The following ATP8B1 variants were observed in gnomAD, a reference collection of about 807,000 sequenced individuals.
ATP8B1 encodes the protein ATPase phospholipid transporting 8B1, also known as phospholipid-transporting ATPase IC.
A neutral mutation model predicts 149.9 loss-of-function variants in ATP8B1; 80 were observed. The observed-to-expected ratio is 0.53, with a 90% CI of 0.45 to 0.64. ATP8B1 has a LOEUF of 0.64. Among genes scored for constraint, ATP8B1 ranks in the 30% least tolerant of loss-of-function variants. The probability of loss-of-function intolerance (pLI) is 0.00; values close to 1 mark genes in which losing one functional copy is unlikely to be tolerated. For missense variants in ATP8B1, 1,247 were observed against 1,552.6 expected, an observed-to-expected ratio of 0.80 and a Z score of 3.31; for synonymous variants, 536 against 562.8, an observed-to-expected ratio of 0.95 and a Z score of 0.67.
intron 22 of ATP8B1, among the ~76,000 whole-genome samples, chr18:57,660,951 T>C (rs1910352140): frequency 6.6e-6 from 1 of 152,182 alleles, no homozygotes; most frequent in Non-Finnish European, 1.5e-5. Flanking sequence ...CCTCTTCGCA[T>C]CCTTCAGAAG....
At chr18:57,685,823 C>T (rs760119077) in intron 13 of ATP8B1, among the ~76,000 whole-genome samples, 12 of 151,970 alleles carry the variant, frequency 7.9e-5, no homozygotes, top group African/African-American at 1.5e-4. Context: ...CCCAGCTACT[C>T]GGGAGGCTGA....
chr18:57,685,110 G>A lies in ATP8B1; in HGVS notation c.1435C>T (p.His479Tyr), dbSNP rs75460259. The change falls in exon 14 of 28, where the codon CAT becomes TAT. Residue 479 changes from histidine to tyrosine, a missense_variant. Around this residue, in one of 3 missense-constraint regions of ATP8B1, gnomAD observed 853 missense variants for 1,035.7 expected, o/e 0.82. Coordinates refer to ENST00000648908, the MANE Select transcript of ATP8B1 (RefSeq NM_001374385.1). ...TGGTTGTGTTGAGAGGCATCCCGAT[G>A]GTCCCCTGAGAAACAAACAGGACAA... Reference protein sequence around the residue: ...CCINGQIYGDHRDASQHNHNK... With the variant: ...CCINGQIYGDYRDASQHNHNK... 31 of 1,614,150 alleles carry A rather than the reference G, an allele frequency of 1.9e-5. No homozygotes were observed. Among genetic ancestry groups the A allele is most frequent in the Non-Finnish European group, 2.6e-5 (31 of 1,180,002 alleles).
chr18:57,649,272 A>G, intron 27 of ATP8B1, among the ~76,000 whole-genome samples: 1 of 151,740 alleles, frequency 6.6e-6, no homozygotes, highest in Non-Finnish European at 1.5e-5. Flanking sequence ...CTCTATATCT[A>G]TACATAGATT....
At chr18:57,690,395 G>C (rs1207398895) in intron 12 of ATP8B1, among the ~76,000 whole-genome samples, 2 of 152,240 alleles carry the variant, frequency 1.3e-5, no homozygotes, top group Non-Finnish European at 2.9e-5. Context: ...AGTCAAAGCA[G>C]AGATACTATC....
intron 20 of ATP8B1, among the ~76,000 whole-genome samples, chr18:57,663,761 A>ATTTTTTT: frequency 1.0e-5 from 1 of 97,462 alleles, no homozygotes; most frequent in Non-Finnish European, 1.9e-5. Context: ...TGCTTTGCCC[A>ATTTTTTT]TTTTTTTTTT....
chr18:57,717,403 G>A (rs1382403232), intron 2 of ATP8B1, among the ~76,000 whole-genome samples: 5 of 150,976 alleles, frequency 3.3e-5, no homozygotes, highest in African/African-American at 1.2e-4. Context: ...AAAAACTTAG[G>A]TGGGCACAGT....
intron 2 of ATP8B1, among the ~76,000 whole-genome samples, chr18:57,724,316 C>A (rs2079681905): frequency 6.9e-6 from 1 of 144,194 alleles, no homozygotes; most frequent in African/African-American, 2.6e-5. Context: ...AACAGGCAAC[C>A]TACAAAATGG....
chr18:57,691,048 A>C (rs1471954862), intron 12 of ATP8B1, among the ~76,000 whole-genome samples: 1 of 151,990 alleles, frequency 6.6e-6, no homozygotes, highest in Non-Finnish European at 1.5e-5. Flanking sequence ...GGTGATGGGC[A>C]CCCGTGATCC....
At chr18:57,676,893 T>C (rs1911632894) in intron 15 of ATP8B1, among the ~76,000 whole-genome samples, 1 of 152,082 alleles carries the variant, frequency 6.6e-6, no homozygotes, top group African/African-American at 2.4e-5. Context: ...GTGCCTATAA[T>C]TGCAACTATT....
intron 1 of ATP8B1, among the ~76,000 whole-genome samples, chr18:57,763,035 C>A (rs75148043): frequency 6.6e-6 from 1 of 152,168 alleles, no homozygotes; most frequent in Non-Finnish European, 1.5e-5. Context: ...CTTGAACACA[C>A]GTTTTTTGCA....
intron 13 of ATP8B1, among the ~76,000 whole-genome samples, chr18:57,686,392 G>A (rs747943265): frequency 6.6e-6 from 1 of 152,108 alleles, no homozygotes; most frequent in Non-Finnish European, 1.5e-5. Context: ...CTGGAGTGCA[G>A]TGGTGCAAAC....
In ATP8B1 at chr18:57,721,733, T is replaced by A. The variant is rs914214287; in HGVS notation, c.181+9894A>T. ...GATACCCAGGAATTGAACTCAGCTCTGCACCAAGCGGACCTAATAGACATC... is the reference window on the plus strand; with the variant it reads ...GATACCCAGGAATTGAACTCAGCTCAGCACCAAGCGGACCTAATAGACATC... On this transcript the variant is annotated intron_variant, in intron 2 of 27. Coordinates refer to ENST00000648908, the MANE Select transcript of ATP8B1 (RefSeq NM_001374385.1). 7.8e-4 allele frequency among the ~76,000 whole-genome samples: 78 copies of A among 99,836 alleles called. 2 individuals carry two copies. In the East Asian group the frequency reaches 0.021, roughly 27 times the overall value. The allele number at this position is 99,836 out of a possible 152,430, so 65.5% of individuals were successfully genotyped here.
chr18:57,692,582 C>T (rs1398272520), intron 11 of ATP8B1, among the ~76,000 whole-genome samples: 1 of 151,830 alleles, frequency 6.6e-6, no homozygotes, highest in Admixed American at 6.6e-5. Context: ...ATTACAGGCA[C>T]GCGCCACCAA....
chr18:57,766,085 C>G (rs2080209178), intron 1 of ATP8B1, among the ~76,000 whole-genome samples: 1 of 149,398 alleles, frequency 6.7e-6, no homozygotes, highest in Non-Finnish European at 1.5e-5. Flanking sequence ...CTCTTGTTGC[C>G]CAGGCTGGAG....
Position 57,655,116 on chromosome 18 carries a change from A to G in ATP8B1, c.2931+78T>C, listed in dbSNP as rs1909901301. The G allele has an allele frequency of 3.0e-6, 4 of 1,336,734 alleles. No individual in the cohort carries two copies. In the Admixed American group the frequency reaches 5.3e-5, roughly 18 times the overall value. The allele number at this position is 1,336,734 out of a possible 1,614,324, so 82.8% of individuals were successfully genotyped here. A position where few individuals can be genotyped will look rare whatever the true frequency, so the allele number is the denominator to read the frequency against. On this transcript the variant is annotated intron_variant, in intron 23 of 27. Coordinates refer to ENST00000648908, the MANE Select transcript of ATP8B1 (RefSeq NM_001374385.1). ...AAAACTACAAATATAGAAGAAATAAATTGTCTTTTCAGAACTAGATTTTTA... is the reference window on the plus strand; with the variant it reads ...AAAACTACAAATATAGAAGAAATAAGTTGTCTTTTCAGAACTAGATTTTTA...
chr18:57,782,821 T>TTTTC (rs1555656619), intron 1 of ATP8B1, among the ~76,000 whole-genome samples: 6 of 103,706 alleles, frequency 5.8e-5, no homozygotes, highest in African/African-American at 1.6e-4. Flanking sequence ...TTTTTTTTTT[T>TTTTC]TTTTTTTTTG....
At chr18:57,770,403 A>T (rs564558753) in intron 1 of ATP8B1, among the ~76,000 whole-genome samples, 5 of 152,374 alleles carry the variant, frequency 3.3e-5, no homozygotes, top group Non-Finnish European at 4.4e-5. Flanking sequence ...ACAAAATGCC[A>T]CTTGCCTTGA....
intron 8 of ATP8B1, among the ~76,000 whole-genome samples, 189 bp downstream of exon 8, chr18:57,697,429 G>A (rs1912871908): frequency 6.6e-6 from 1 of 152,042 alleles, no homozygotes; most frequent in African/African-American, 2.4e-5. Flanking sequence ...CCTTCCCTGA[G>A]AGGTGGAGAA....
chr18:57,704,901 T>A (rs1599135720), intron 3 of ATP8B1, among the ~76,000 whole-genome samples: 1 of 152,032 alleles, frequency 6.6e-6, no homozygotes, highest in African/African-American at 2.4e-5. Flanking sequence ...CTAGCCAACA[T>A]GGTGAAACCC....
Sources: gnomAD v4.1 joint callset for allele counts (sites outside exome capture counted in the v4.1 genomes callset) on GRCh38, gnomAD v4.1.1 for gene constraint, gnomAD v4.1.1 regional missense constraint, MANE v1.5 for transcripts, NCBI Gene and HGNC (gene_info 2026-07-23, HGNC 2026-07-21) for gene names.